Variants in DNAAF5 observed in about 807,000 individuals in gnomAD.
The protein encoded by DNAAF5 is dynein axonemal assembly factor 5.
Under a neutral mutation model 75.8 loss-of-function variants are expected in DNAAF5, and 64 were observed. The ratio of observed to expected loss-of-function variants is 0.84; its 90% CI spans 0.69 to 1.04. DNAAF5 has a LOEUF of 1.04. Among genes scored for constraint, DNAAF5 ranks in the 50% least tolerant of loss-of-function variants. The probability of loss-of-function intolerance (pLI) is 0.00; values close to 1 mark genes in which losing one functional copy is unlikely to be tolerated. For synonymous variants in DNAAF5, 657 were observed against 557.2 expected, an observed-to-expected ratio of 1.18 and a Z score of -2.52; for missense variants, 1,269 against 1,178.5, an observed-to-expected ratio of 1.08 and a Z score of -1.12.
At chr7:781,128 TACTC>T (rs1778926379) in intron 12 of DNAAF5, among the ~76,000 whole-genome samples, 2 of 152,228 alleles carry the variant, frequency 1.3e-5, no homozygotes, top group South Asian at 2.1e-4. Context: ...TACTAAATCT[TACTC>T]ATTCTGTTTT....
At chr7:779,031 C>T (rs539553254) in intron 11 of DNAAF5, among the ~76,000 whole-genome samples, 1 of 152,270 alleles carries the variant, frequency 6.6e-6, no homozygotes, top group South Asian at 2.1e-4. Flanking sequence ...CAGGGAAGTG[C>T]CTGGGCATCT....
intron 6 of DNAAF5, among the ~76,000 whole-genome samples, chr7:760,074 GCGGC>G (rs1782597452): frequency 3.6e-4 from 4 of 11,008 alleles, no homozygotes; most frequent in South Asian, 5.3e-3. Flanking sequence ...ACGGGGCCGC[GCGGC>G]TCCTCCAGCT....
rs771333841 is a variant in DNAAF5 at position 775,012 on chromosome 7, G to T, written c.2089G>T (p.Asp697Tyr). Residue 697 changes from aspartate to tyrosine, a missense_variant, in exon 11 of 13, where the codon GAC (aspartate) becomes TAC (tyrosine). Coordinates refer to ENST00000297440, the MANE Select transcript of DNAAF5 (RefSeq NM_017802.4). ...SEVLSAEQIR[D>Y]VQETLMPQVL... ...ATGTGTTTGCTGATTGCAGATACGG[G>T]ACGTGCAGGAAACACTGATGCCCCA... 1.2e-6 allele frequency: 2 copies of T among 1,613,876 alleles called. No individual in the cohort carries two copies. Among genetic ancestry groups the T allele is most frequent in the African/African-American group, 2.7e-5 (2 of 74,896 alleles).
chr7:761,951 G>A, intron 7 of DNAAF5, 55 bp downstream of exon 7: 2 of 1,466,628 alleles, frequency 1.4e-6, no homozygotes, highest in Non-Finnish European at 1.8e-6. Flanking sequence ...CAGCTGGAAG[G>A]CATCTCTAAG....
At chr7:757,859 C>A (rs1474369449) in intron 6 of DNAAF5, among the ~76,000 whole-genome samples, 1 of 152,246 alleles carries the variant, frequency 6.6e-6, no homozygotes, top group African/African-American at 2.4e-5. Flanking sequence ...TTTCCGGCGG[C>A]TTCTATGGCC....
intron 4 of DNAAF5, among the ~76,000 whole-genome samples, chr7:744,113 C>A (rs1397925760): frequency 2.0e-5 from 3 of 151,726 alleles, no homozygotes; most frequent in Non-Finnish European, 4.4e-5. Context: ...CAACAGTTCT[C>A]AGAGTGTGAT....
intron 2 of DNAAF5, chr7:732,527 C>A (rs1781619164): frequency 6.6e-6 from 3 of 456,072 alleles, no homozygotes; most frequent in South Asian, 4.6e-5. Context: ...TCAAGAGAGA[C>A]CTTCCGGGAG....
In DNAAF5 at chr7:726,761, A is replaced by T; in HGVS notation, c.41A>T (p.His14Leu). ...GTGGCGGAGGCCGTGGCGGCCCCAC[A>T]CCCGGCTGAGGGGGCCGAGACGGCT... ...LGVAEAVAAP[H>L]PAEGAETAEA... is the part of the protein sequence containing the mutation. Residue 14 changes from histidine (H) to leucine (L), a missense_variant, in exon 1 of 13, where the codon CAC (histidine) becomes CTC (leucine). Transcript: ENST00000297440. 7.2e-6 allele frequency: 9 copies of T among 1,255,670 alleles called. No individual in the cohort carries two copies. Among genetic ancestry groups the T allele is most frequent in the Non-Finnish European group, 9.0e-6 (9 of 1,002,026 alleles). The allele number at this position is 1,255,670 out of a possible 1,614,324, so 77.8% of individuals were successfully genotyped here.
At chr7:757,779 C>T (rs1782531742) in intron 6 of DNAAF5, among the ~76,000 whole-genome samples, 1 of 152,212 alleles carries the variant, frequency 6.6e-6, no homozygotes, top group Non-Finnish European at 1.5e-5. Flanking sequence ...AGGGCTGCCC[C>T]CACCAGGCGG....
At chr7:784,588 A>G (rs1199739858) in intron 12 of DNAAF5, among the ~76,000 whole-genome samples, 1 of 150,804 alleles carries the variant, frequency 6.6e-6, no homozygotes, top group African/African-American at 2.4e-5. Flanking sequence ...CATCACACAC[A>G]CCACCACGAG....
intron 2 of DNAAF5, among the ~76,000 whole-genome samples, chr7:739,372 C>T (rs535293762): frequency 2.6e-5 from 4 of 152,248 alleles, no homozygotes; most frequent in South Asian, 2.1e-4. Context: ...TGTCTCTGCT[C>T]GAGACCTGCC....
rs1374092702 is a variant in DNAAF5 at position 778,413 on chromosome 7, T to TCTGTGC, written c.2240-1540_2240-1539insCTGTGC. Reference sequence around the variant, plus strand: ...GGTGGGGAAGGAAGGATGTCCTGAGTTGGGAGCACAGACATCCAGGCCTCC... The same window carrying TCTGTGC: ...GGTGGGGAAGGAAGGATGTCCTGAGTCTGTGCTGGGAGCACAGACATCCAGGCCTCC... On this transcript the variant is annotated intron_variant, in intron 11 of 12. Transcript: ENST00000297440. 6 of 152,134 alleles carry TCTGTGC rather than the reference T, an allele frequency of 3.9e-5. 1 individual carries two copies. The East Asian group carries it at 1.2e-3, about 29-fold the overall frequency. The allele number at this position is 152,134 out of a possible 1,614,324, so 9.4% of individuals were successfully genotyped here.
chr7:726,801 G>A lies in DNAAF5; in HGVS notation c.81G>A (p.Leu27=), dbSNP rs753902315. Residue 27 remains leucine, a synonymous_variant, in exon 1 of 13, where the codon CTG becomes CTA. Transcript: ENST00000297440. ...CCGAGACGGCTGAGGCGGTGGAGCT[G>A]AGCCGCGCCCTGAGCCGCCTGCTGC... ...EGAETAEAVE[L]SRALSRLLPG... The A allele has an allele frequency of 1.6e-5, 21 of 1,306,026 alleles. 1 individual carries two copies. In the South Asian group the frequency reaches 4.5e-4, roughly 28 times the overall value. 80.9% of individuals were successfully genotyped at this position (1,306,026 alleles called of 1,614,324 possible).
chr7:751,805 C>T (rs562515549), intron 4 of DNAAF5, among the ~76,000 whole-genome samples: 1 of 152,170 alleles, frequency 6.6e-6, no homozygotes, highest in African/African-American at 2.4e-5. Flanking sequence ...AACTCCTGAC[C>T]TCAGGTGACC....
At chr7:733,869 A>G (rs1052403311) in intron 2 of DNAAF5, among the ~76,000 whole-genome samples, 1 of 152,184 alleles carries the variant, frequency 6.6e-6, no homozygotes, top group Non-Finnish European at 1.5e-5. Flanking sequence ...GTTTGTAGCT[A>G]TTGTAAATGG....
At chr7:761,656 T>C in intron 6 of DNAAF5, 97 bp from the exon 7 acceptor site, 1 of 1,294,544 alleles carries the variant, frequency 7.7e-7, no homozygotes, top group Non-Finnish European at 1.1e-6. Flanking sequence ...CCTCCCAGGA[T>C]ACGTGGGGAT....
At chr7:727,997 T>C (rs1433861283) in intron 1 of DNAAF5, among the ~76,000 whole-genome samples, 5 of 151,972 alleles carry the variant, frequency 3.3e-5, no homozygotes, top group Admixed American at 2.6e-4. Flanking sequence ...TTTGAGACTC[T>C]GCTCTGGTCA....
intron 4 of DNAAF5, among the ~76,000 whole-genome samples, chr7:742,689 C>T (rs1781947009): frequency 1.3e-5 from 2 of 150,966 alleles, no homozygotes. Context: ...TCATGCCCAG[C>T]TCAAATCAAT....
chr7:775,265 T>C, intron 11 of DNAAF5, 103 bp downstream of exon 11: 1 of 1,051,470 alleles, frequency 9.5e-7, no homozygotes, highest in Admixed American at 1.9e-5. Context: ...AGATCAAAAC[T>C]ATCTCGGGCT....
Sources: gnomAD v4.1 joint callset for allele counts (sites outside exome capture counted in the v4.1 genomes callset) on GRCh38, gnomAD v4.1.1 for gene constraint, MANE v1.5 for transcripts, NCBI Gene and HGNC (gene_info 2026-07-23, HGNC 2026-07-21) for gene names.